The following PCDHGA11 variants were observed in gnomAD, a reference collection of about 807,000 sequenced individuals.
The protein encoded by PCDHGA11 is protocadherin gamma subfamily A, 11.
In PCDHGA11, 39 loss-of-function variants were observed where a neutral mutation model predicts 60.4. The observed-to-expected ratio is 0.65, with a 90% CI of 0.50 to 0.84. The LOEUF is 0.84. PCDHGA11 is among the 40% of genes least tolerant of loss of function. The pLI is 0.00. For synonymous variants in PCDHGA11, 533 were observed against 510.3 expected, an observed-to-expected ratio of 1.04 and a Z score of -0.60; for missense variants, 1,165 against 1,197.7, an observed-to-expected ratio of 0.97 and a Z score of 0.40.
intron 1 of PCDHGA11, chr5:141,478,905 G>T (rs1593970684): frequency 1.1e-6 from 1 of 930,214 alleles, no homozygotes; most frequent in East Asian, 2.7e-5. Flanking sequence ...GGAATAAGCT[G>T]CTGGATACCT....
Position 141,490,177 on chromosome 5 carries a change from T to C in PCDHGA11, c.2434-4630T>C, listed in dbSNP as rs780298274. 12 of 1,613,622 alleles carry C rather than the reference T, an allele frequency of 7.4e-6. No individual in the cohort carries two copies. The highest frequency in any genetic ancestry group is 1.0e-5 in the Non-Finnish European group (12 of 1,179,932). On this transcript the variant is annotated intron_variant, in intron 1 of 3. Transcript: ENST00000398587. This position sits in a 1 kb window ranked among gnomAD's most constrained non-coding sequence, Gnocchi z 5.4. The stretch of plus-strand genomic sequence containing the variant: ...GTTGGGTCCCATAGACTTTGAGGAG[T>C]CACGTTTCTATGAAATTCATGCAAG...
chr5:141,431,228 G>C lies in PCDHGA11; in HGVS notation c.2433+7568G>C, dbSNP rs772199359. The stretch of plus-strand genomic sequence containing the variant: ...TGAGATGCGGTTCCCTCTACCCCAC[G>C]CCTGGGATCCGGATATCGGGAAGAA... On this transcript the variant is annotated intron_variant, in intron 1 of 3. Coordinates refer to ENST00000398587, the MANE Select transcript of PCDHGA11 (RefSeq NM_018914.3). The surrounding 1 kb of genome is among the most constrained non-coding windows in gnomAD (Gnocchi z 4.8). The C allele has an allele frequency of 1.9e-6, 3 of 1,614,000 alleles. No individual in the cohort carries two copies. The African/African-American group carries it at 4.0e-5, about 22-fold the overall frequency.
rs779656906 is a variant in PCDHGA11 at position 141,476,872 on chromosome 5, C to T, written c.2434-17935C>T. On this transcript the variant is annotated intron_variant, in intron 1 of 3. Transcript: ENST00000398587. The surrounding 1 kb of genome is among the most constrained non-coding windows in gnomAD (Gnocchi z 7.6). ...TCAACCAGTCCTTGTACCGGGCGCG[C>T]GTCCTGGAGGATGCACCCTCCGGCA... 1.6e-4 allele frequency: 254 copies of T among 1,613,734 alleles called. No individual in the cohort carries two copies. The highest frequency in any genetic ancestry group is 2.1e-4 in the Non-Finnish European group (248 of 1,180,054).
chr5:141,432,191 G>C lies in PCDHGA11; in HGVS notation c.2433+8531G>C. 2.5e-6 allele frequency: 4 copies of C among 1,614,110 alleles called. No individual in the cohort carries two copies. Among genetic ancestry groups the C allele is most frequent in the Non-Finnish European group, 3.4e-6 (4 of 1,180,026 alleles). On this transcript the variant is annotated intron_variant, in intron 1 of 3. Coordinates refer to ENST00000398587, the MANE Select transcript of PCDHGA11 (RefSeq NM_018914.3). The surrounding 1 kb of genome is among the most constrained non-coding windows in gnomAD (Gnocchi z 6.0). ...TTCCCTCGTCTCTGTGACCGCCCAC[G>C]ACCCCGACTGTGAAGAGAACGCCCA... is the stretch of plus-strand genomic sequence containing the variant.
chr5:141,428,007 A>G, intron 1 of PCDHGA11: 1 of 1,602,018 alleles, frequency 6.2e-7, no homozygotes, highest in Non-Finnish European at 8.5e-7. Flanking sequence ...ACTCTTCGAT[A>G]TAGTGCCACG....
At chr5:141,453,865 A>T (rs1048679358) in intron 1 of PCDHGA11, among the ~76,000 whole-genome samples, 2 of 152,234 alleles carry the variant, frequency 1.3e-5, no homozygotes, top group African/African-American at 4.8e-5. Flanking sequence ...AAAATAACAG[A>T]TGAGCAAAAT....
chr5:141,476,843 G>A lies in PCDHGA11; in HGVS notation c.2434-17964G>A, dbSNP rs2099399765. On this transcript the variant is annotated intron_variant, in intron 1 of 3. Transcript: ENST00000398587. The surrounding 1 kb of genome is among the most constrained non-coding windows in gnomAD (Gnocchi z 7.6). ...GCTGGACGCGAATGACAATGCGCCT[G>A]TCTTCAACCAGTCCTTGTACCGGGC... 1 of 1,613,706 alleles carries A rather than the reference G, an allele frequency of 6.2e-7. No individual in the cohort carries two copies. Among genetic ancestry groups the A allele is most frequent in the Non-Finnish European group, 8.5e-7 (1 of 1,180,046 alleles).
Position 141,421,787 on chromosome 5 carries a change from C to T in PCDHGA11, c.560C>T (p.Thr187Met), listed in dbSNP as rs753196648. 8 of 1,613,694 alleles carry T rather than the reference C, an allele frequency of 5.0e-6. No individual in the cohort carries two copies. Among genetic ancestry groups the T allele is most frequent in the East Asian group, 2.2e-5 (1 of 44,892 alleles). ...NYFSLQLRGR[T>M]DGAKNPELVL... ...TTTTCCTTGCAACTGCGGGGCAGAA[C>T]GGATGGGGCCAAGAATCCAGAGCTA... is the stretch of plus-strand genomic sequence containing the variant. The change falls in exon 1 of 4, where the codon ACG becomes ATG. Residue 187 changes from threonine to methionine, a missense_variant. Transcript: ENST00000398587.
chr5:141,444,551 G>A (rs758187608), intron 1 of PCDHGA11, among the ~76,000 whole-genome samples: 1 of 152,022 alleles, frequency 6.6e-6, no homozygotes, highest in Non-Finnish European at 1.5e-5. Context: ...TGAGCAAAAG[G>A]CACTTATTTG....
chr5:141,432,025 G>T lies in PCDHGA11; in HGVS notation c.2433+8365G>T. ...AGGTTCCTAGCTACAACATCACAGT[G>T]ACCGCCACTGACCGGGGAACCCCGC... On this transcript the variant is annotated intron_variant, in intron 1 of 3. Coordinates refer to ENST00000398587, the MANE Select transcript of PCDHGA11 (RefSeq NM_018914.3). The surrounding 1 kb of genome is among the most constrained non-coding windows in gnomAD (Gnocchi z 6.0). The T allele has an allele frequency of 6.2e-7, 1 of 1,614,158 alleles. No homozygotes were observed. The highest frequency in any genetic ancestry group is 1.1e-5 in the South Asian group (1 of 91,058).
rs766368774 is a variant in PCDHGA11, at chr5:141,422,360, G to C, written c.1133G>C (p.Gly378Ala). The change falls in exon 1 of 4, where the codon GGA becomes GCA. Residue 378 changes from glycine (G) to alanine (A), a missense_variant. Coordinates refer to ENST00000398587, the MANE Select transcript of PCDHGA11 (RefSeq NM_018914.3). ...ALLNVQDQDS[G>A]ENGQVSCFIP... Reference sequence around the variant, plus strand: ...CTAAATGTGCAAGATCAAGATTCTGGAGAAAATGGTCAAGTCTCCTGTTTT... The same window carrying C: ...CTAAATGTGCAAGATCAAGATTCTGCAGAAAATGGTCAAGTCTCCTGTTTT... 6.4e-7 allele frequency: 1 copy of C among 1,559,254 alleles called. No individual in the cohort carries two copies. The highest frequency in any genetic ancestry group is 1.4e-5 in the African/African-American group (1 of 72,580).
At chr5:141,488,439 C>G (rs2099675441) in intron 1 of PCDHGA11, among the ~76,000 whole-genome samples, 1 of 152,206 alleles carries the variant, frequency 6.6e-6, no homozygotes, top group African/African-American at 2.4e-5. Context: ...TCTGACCACC[C>G]TCCTGGGTGA....
In PCDHGA11 at chr5:141,428,425, T is replaced by A. The variant is rs1193842204; in HGVS notation, c.2433+4765T>A. ...GGGTTGCTTTCACCCTGGTCTCTGT[T>A]CTAAGACTAGACCAGGGGTTTTTCC... On this transcript the variant is annotated intron_variant, in intron 1 of 3. Transcript: ENST00000398587. 4 of 436,598 alleles carry A rather than the reference T, an allele frequency of 9.2e-6. No homozygotes were observed. In the East Asian group the frequency reaches 1.9e-4, roughly 21 times the overall value. 27.0% of individuals were successfully genotyped at this position (436,598 alleles called of 1,614,324 possible). A position where few individuals can be genotyped will look rare whatever the true frequency, so the allele number is the denominator to read the frequency against.
At chr5:141,428,185 G>T (rs775261215) in intron 1 of PCDHGA11, 286 of 1,446,232 alleles carry the variant, frequency 2.0e-4, no homozygotes, top group Non-Finnish European at 2.5e-4. Context: ...GAGGACAGCC[G>T]CCGCTCTCTG....
In PCDHGA11 at chr5:141,421,699, G is replaced by T. The variant is rs751572007; in HGVS notation, c.472G>T (p.Ala158Ser). ...TGGGGCGCGATTTGCTCTTCCTAATGCTAGGGATCCAGATGTGGGCGTGAA... is the reference window on the plus strand; with the variant it reads ...TGGGGCGCGATTTGCTCTTCCTAATTCTAGGGATCCAGATGTGGGCGTGAA... The part of the protein sequence containing the change: ...IPGARFALPN[A>S]RDPDVGVNSL... The change falls in exon 1 of 4, where the codon GCT becomes TCT. Residue 158 changes from alanine (A) to serine (S), a missense_variant. By Grantham distance (99) the Ala-to-Ser change is moderately conservative (BLOSUM62 1). Transcript: ENST00000398587. 6.2e-7 allele frequency: 1 copy of T among 1,613,928 alleles called. No homozygotes were observed. The highest frequency in any genetic ancestry group is 1.7e-5 in the Admixed American group (1 of 60,010).
intron 1 of PCDHGA11, chr5:141,430,760 A>C: frequency 1.3e-6 from 2 of 1,505,596 alleles, no homozygotes; most frequent in Non-Finnish European, 8.9e-7. Context: ...GAAGATAAGA[A>C]TGATTCCTGC....
At chr5:141,488,978 C>T (rs1346335195) in intron 1 of PCDHGA11, 4 of 388,976 alleles carry the variant, frequency 1.0e-5, no homozygotes, top group African/African-American at 2.1e-5. Flanking sequence ...GCCAATCAGA[C>T]TCAGAGCTGA....
At chr5:141,464,657 T>G (rs575409062) in intron 1 of PCDHGA11, among the ~76,000 whole-genome samples, 1 of 152,312 alleles carries the variant, frequency 6.6e-6, no homozygotes, top group South Asian at 2.1e-4. Context: ...GGTAAAAAGA[T>G]ATCTCCAAAT....
Position 141,486,390 on chromosome 5 carries a change from C to T in PCDHGA11, c.2434-8417C>T. 6.2e-7 allele frequency: 1 copy of T among 1,614,138 alleles called. No homozygotes were observed. The highest frequency in any genetic ancestry group is 1.1e-5 in the South Asian group (1 of 91,084). On this transcript the variant is annotated intron_variant, in intron 1 of 3. Coordinates refer to ENST00000398587, the MANE Select transcript of PCDHGA11 (RefSeq NM_018914.3). This position sits in a 1 kb window ranked among gnomAD's most constrained non-coding sequence, Gnocchi z 5.0. ...AAGTCTGCCTTCAGGAACCAGTTCTCCCTGGTGACTGCTGGACCCTTGGAT... is the reference window on the plus strand; with the variant it reads ...AAGTCTGCCTTCAGGAACCAGTTCTTCCTGGTGACTGCTGGACCCTTGGAT...
Sources: allele counts gnomAD v4.1 joint callset (sites outside exome capture counted in the v4.1 genomes callset), GRCh38; gene constraint gnomAD v4.1.1; non-coding constraint Gnocchi (gnomAD v3.1); transcripts MANE v1.5; gene names NCBI Gene and HGNC (gene_info 2026-07-23, HGNC 2026-07-21).